The following COL4A1 variants were observed in gnomAD, a reference collection of about 807,000 sequenced individuals.
COL4A1 encodes collagen alpha-1(IV) chain.
COL4A1 carries 40 observed loss-of-function variants against 216.6 expected under a neutral mutation model. The observed-to-expected ratio is 0.18, with a 90% CI of 0.14 to 0.24. COL4A1 has a LOEUF of 0.24. Among genes scored for constraint, COL4A1 ranks in the 10% least tolerant of loss-of-function variants. The pLI is 1.00. For synonymous variants in COL4A1, 839 were observed against 810.7 expected, an observed-to-expected ratio of 1.03 and a Z score of -0.59; for missense variants, 1,628 against 2,196.8, an observed-to-expected ratio of 0.74 and a Z score of 5.18.
intron 15 of COL4A1, among the ~76,000 whole-genome samples, chr13:110,205,879 A>G (rs766993701): frequency 6.6e-6 from 1 of 151,612 alleles, no homozygotes. Flanking sequence ...ATATATATGT[A>G]TATATATATA....
intron 1 of COL4A1, among the ~76,000 whole-genome samples, chr13:110,295,616 A>T (rs1244896809): frequency 1.3e-5 from 2 of 151,870 alleles, no homozygotes; most frequent in African/African-American, 2.4e-5. Context: ...AGTAGAGACA[A>T]GGTTTCACCA....
At chr13:110,172,843 T>A in intron 40 of COL4A1, 73 bp from the exon 41 acceptor site, 1 of 1,214,668 alleles carries the variant, frequency 8.2e-7, no homozygotes, top group Non-Finnish European at 1.2e-6. Context: ...CACAAAGCAC[T>A]ATCAACTCTG....
chr13:110,248,247 C>G (rs1203384696), intron 1 of COL4A1, among the ~76,000 whole-genome samples: 1 of 152,190 alleles, frequency 6.6e-6, no homozygotes, highest in African/African-American at 2.4e-5. Flanking sequence ...GAGACTGTAT[C>G]TTAGGGCTAC....
At chr13:110,254,851 G>A (rs112198540) in intron 1 of COL4A1, among the ~76,000 whole-genome samples, 9 of 152,222 alleles carry the variant, frequency 5.9e-5, no homozygotes, top group African/African-American at 2.2e-4. Flanking sequence ...CAGAACTGGG[G>A]AATATGCAAC....
intron 49 of COL4A1, among the ~76,000 whole-genome samples, chr13:110,159,928 TG>T (rs35304611): frequency 0.37 from 55,764 of 151,722 alleles, 10,872 homozygotes; most frequent in Non-Finnish European, 0.43. Flanking sequence ...GAAAGTAGAA[TG>T]GGGGGTCACC....
chr13:110,277,269 C>T (rs1385236182), intron 1 of COL4A1, among the ~76,000 whole-genome samples: 1 of 152,168 alleles, frequency 6.6e-6, no homozygotes, highest in Admixed American at 6.5e-5. Flanking sequence ...TTCTGTGTAG[C>T]CATTTCTGTG....
intron 1 of COL4A1, among the ~76,000 whole-genome samples, chr13:110,258,152 G>C (rs1882659207): frequency 6.6e-6 from 1 of 152,206 alleles, no homozygotes; most frequent in Non-Finnish European, 1.5e-5. Context: ...TTAACATCCA[G>C]AAAATTCTAG....
intron 1 of COL4A1, among the ~76,000 whole-genome samples, chr13:110,284,427 G>T (rs543926794): frequency 1.3e-5 from 2 of 152,290 alleles, no homozygotes; most frequent in East Asian, 3.9e-4. Flanking sequence ...GGAAGCTGCA[G>T]AGGTCTTTTG....
intron 43 of COL4A1, among the ~76,000 whole-genome samples, chr13:110,168,456 T>C (rs959258082): frequency 6.6e-6 from 1 of 152,228 alleles, no homozygotes; most frequent in African/African-American, 2.4e-5. Context: ...ACATTTGCTA[T>C]ACTGTGGAGA....
At chr13:110,300,778 A>G (rs1884459872) in intron 1 of COL4A1, among the ~76,000 whole-genome samples, 1 of 152,224 alleles carries the variant, frequency 6.6e-6, no homozygotes, top group Non-Finnish European at 1.5e-5. Context: ...ACAACTGAAC[A>G]ATGTACTGAT....
At chr13:110,187,358 G>C in intron 24 of COL4A1, 29 bp from the exon 25 acceptor site, 9 of 1,611,134 alleles carry the variant, frequency 5.6e-6, no homozygotes, top group African/African-American at 1.3e-5. Context: ...GTGATCCACA[G>C]AAGAACCCAT....
At chr13:110,267,270 A>C (rs1047762581) in intron 1 of COL4A1, among the ~76,000 whole-genome samples, 5 of 152,100 alleles carry the variant, frequency 3.3e-5, no homozygotes, top group African/African-American at 1.2e-4. Context: ...CAGTGGAGGG[A>C]GGAGGGGCAG....
intron 1 of COL4A1, among the ~76,000 whole-genome samples, chr13:110,287,527 G>C (rs1268596520): frequency 6.6e-6 from 1 of 152,186 alleles, no homozygotes; most frequent in African/African-American, 2.4e-5. Context: ...TTTACATTTG[G>C]GGCTCTCATT....
chr13:110,305,360 G>T (rs754040959), intron 1 of COL4A1, among the ~76,000 whole-genome samples: 1 of 152,228 alleles, frequency 6.6e-6, no homozygotes, highest in Non-Finnish European at 1.5e-5. Flanking sequence ...CAGGATTTGC[G>T]TAACTGAGTG....
At chr13:110,155,458 G>T in intron 49 of COL4A1, 61 bp from the exon 50 acceptor site, 1 of 1,069,006 alleles carries the variant, frequency 9.4e-7, no homozygotes, top group Non-Finnish European at 1.4e-6. Context: ...CGCCCTCCAT[G>T]CACTGCCCCG....
intron 23 of COL4A1, among the ~76,000 whole-genome samples, chr13:110,192,622 C>G (rs1272241458): frequency 1.3e-5 from 2 of 152,162 alleles, no homozygotes; most frequent in African/African-American, 4.8e-5. Context: ...ATGCTGCTGT[C>G]TTTTATTAGG....
At chr13:110,239,503 A>C (rs1244012970) in intron 2 of COL4A1, among the ~76,000 whole-genome samples, 1 of 152,232 alleles carries the variant, frequency 6.6e-6, no homozygotes, top group Admixed American at 6.5e-5. Context: ...TCCTGTTTAA[A>C]GAACAACCAA....
In COL4A1 at chr13:110,186,462, C is replaced by T. The variant is rs148781420; in HGVS notation, c.1820G>A (p.Gly607Glu). Residue 607 changes from glycine to glutamate, a missense_variant, in exon 26 of 52, where the codon GGA (glycine) becomes GAA (glutamate). Around this residue, in one of 8 missense-constraint regions of COL4A1, gnomAD observed 701 missense variants for 892.5 expected, o/e 0.79. Transcript: ENST00000375820. Reference sequence around the variant, plus strand: ...ACCAATGGGACCAGCAGGACCATATCCTGGAGGCCCAGGGGGGCCGGTGTC... The same window carrying T: ...ACCAATGGGACCAGCAGGACCATATTCTGGAGGCCCAGGGGGGCCGGTGTC... The part of the protein sequence containing the change: ...RGDTGPPGPP[G>E]YGPAGPIGDK... 2 of 1,613,812 alleles carry T rather than the reference C, an allele frequency of 1.2e-6. No homozygotes were observed. The highest frequency in any genetic ancestry group is 1.7e-6 in the Non-Finnish European group (2 of 1,179,970).
Position 110,219,838 on chromosome 13 carries a change from A to G in COL4A1, c.145-5823T>C, listed in dbSNP as rs867983872. 5.4e-3 allele frequency among the ~76,000 whole-genome samples: 572 copies of G among 105,728 alleles called. 2 individuals are homozygous for G. The highest frequency in any genetic ancestry group is 0.018 in the African/African-American group (459 of 26,166). The allele number at this position is 105,728 out of a possible 152,430, so 69.4% of individuals were successfully genotyped here. A position where few individuals can be genotyped will look rare whatever the true frequency, so the allele number is the denominator to read the frequency against. Reference sequence around the variant, plus strand: ...TATATGTATATATATGTATGTATGTATATATGTGTATATATATGTATATAT... The same window carrying G: ...TATATGTATATATATGTATGTATGTGTATATGTGTATATATATGTATATAT... On this transcript the variant is annotated intron_variant, in intron 2 of 51. Transcript: ENST00000375820.
Sources: allele counts gnomAD v4.1 joint callset (sites outside exome capture counted in the v4.1 genomes callset), GRCh38; gene constraint gnomAD v4.1.1; regional missense constraint gnomAD v4.1.1; transcripts MANE v1.5; gene names NCBI Gene and HGNC (gene_info 2026-07-23, HGNC 2026-07-21).